Variants in INPP5D observed in about 807,000 individuals in gnomAD.
INPP5D encodes phosphatidylinositol 3,4,5-trisphosphate 5-phosphatase 1.
A neutral mutation model predicts 122.9 loss-of-function variants in INPP5D; 33 were observed. That is an observed-to-expected ratio of 0.27 (90% CI 0.20 to 0.36). The LOEUF is 0.36. INPP5D is among the 10% of genes least tolerant of loss of function. The pLI, the probability that INPP5D is intolerant of heterozygous loss-of-function variation, is 1.00. For synonymous variants in INPP5D, 584 were observed against 576.2 expected (o/e 1.01, Z -0.19); for missense variants, 1,053 against 1,412.7 (o/e 0.75, Z 4.08).
rs571171591 is a variant in INPP5D at position 233,115,729 on chromosome 2, A to T, written c.199-6378A>T. Among the ~76,000 whole-genome samples, 4 of 152,172 alleles carry T rather than the reference A, an allele frequency of 2.6e-5. 1 individual carries two copies. Among genetic ancestry groups the T allele is most frequent in the African/African-American group, 9.6e-5 (4 of 41,502 alleles). ...TCTGGTTCCCTCAACACCTTTCTTCAATGGAGAGGTCCATTTTCTGCAATG... is the reference window on the plus strand; with the variant it reads ...TCTGGTTCCCTCAACACCTTTCTTCTATGGAGAGGTCCATTTTCTGCAATG... On this transcript the variant is annotated intron_variant, in intron 2 of 26. Coordinates refer to ENST00000445964, the MANE Select transcript of INPP5D (RefSeq NM_001017915.3).
At chr2:233,108,914 C>T (rs1299428859) in intron 2 of INPP5D, among the ~76,000 whole-genome samples, 2 of 152,222 alleles carry the variant, frequency 1.3e-5, no homozygotes, top group Non-Finnish European at 2.9e-5. Flanking sequence ...TTCTGCATGG[C>T]AGAGAGGGGA....
At chr2:233,146,343 T>A (rs36180605) in intron 7 of INPP5D, 24 bp from the exon 8 acceptor site, 5 of 703,986 alleles carry the variant, frequency 7.1e-6, no homozygotes, top group African/African-American at 5.2e-5. Context: ...CTTGACCCTC[T>A]GTCTCTAACG....
chr2:233,190,000 C>T lies in INPP5D; in HGVS notation c.2446+63C>T, dbSNP rs1695012666. 1.9e-6 allele frequency: 3 copies of T among 1,585,422 alleles called. No individual in the cohort carries two copies. The highest frequency in any genetic ancestry group is 2.6e-6 in the Non-Finnish European group (3 of 1,167,192). On this transcript the variant is annotated intron_variant, in intron 22 of 26. Coordinates refer to ENST00000445964, the MANE Select transcript of INPP5D (RefSeq NM_001017915.3). This position sits in a 1 kb window ranked among gnomAD's most constrained non-coding sequence, Gnocchi z 5.6. ...ACTGGCGGCCTCTGACGTAGCATTG[C>T]CTTCAGGGGAGCTCACCTGGCACTT...
rs187764936 is a variant in INPP5D at position 233,108,576 on chromosome 2, C to G, written c.199-13531C>G. On this transcript the variant is annotated intron_variant, in intron 2 of 26. Transcript: ENST00000445964. ...GCGATGTTGCCTCCTTTCTCTCCCC[C>G]CAAGTGCAGGTCAGAGCCTTCCAAG... Among the ~76,000 whole-genome samples, 1,156 of 152,266 alleles carry G rather than the reference C, an allele frequency of 7.6e-3. 9 individuals are homozygous for G. The highest frequency in any genetic ancestry group is 0.01 in the Non-Finnish European group (708 of 68,020).
intron 9 of INPP5D, among the ~76,000 whole-genome samples, chr2:233,152,736 G>A (rs961546694): frequency 2.0e-5 from 3 of 152,174 alleles, no homozygotes; most frequent in African/African-American, 7.2e-5. Context: ...CGTGTGAGAC[G>A]GCTGGGCGGC....
chr2:233,162,253 T>C (rs1694218066), intron 11 of INPP5D, among the ~76,000 whole-genome samples: 1 of 142,438 alleles, frequency 7.0e-6, no homozygotes, highest in Non-Finnish European at 1.6e-5. Context: ...GACAGAGAGA[T>C]AGGTACGTAG....
In INPP5D at chr2:233,175,686, GT is replaced by G. The variant is rs35661704; in HGVS notation, c.1990-1566del. Reference sequence around the variant, plus strand: ...AGAGAGAATGAAAATAAAAACTTTTGTTTTTTTTTTTTTGAGATGGAGTTTT... The same window carrying G: ...AGAGAGAATGAAAATAAAAACTTTTGTTTTTTTTTTTTGAGATGGAGTTTT... On this transcript the variant is annotated intron_variant, in intron 17 of 26. Transcript: ENST00000445964. Among the ~76,000 whole-genome samples the G allele has an allele frequency of 3.3e-3, 475 of 144,242 alleles. 1 individual carries two copies. The highest frequency in any genetic ancestry group is 4.1e-3 in the Non-Finnish European group (270 of 65,542). 94.6% of individuals were successfully genotyped at this position (144,242 alleles called of 152,430 possible).
At chr2:233,180,165 G>A (rs1170752594) in intron 18 of INPP5D, among the ~76,000 whole-genome samples, 1 of 152,050 alleles carries the variant, frequency 6.6e-6, no homozygotes, top group African/African-American at 2.4e-5. Context: ...TGTTTACTAA[G>A]GTCCCATTGG....
At chr2:233,093,193 T>C (rs922397033) in intron 2 of INPP5D, among the ~76,000 whole-genome samples, 5 of 152,184 alleles carry the variant, frequency 3.3e-5, no homozygotes, top group Non-Finnish European at 7.4e-5. Flanking sequence ...AGATTAATAT[T>C]GATAATTTCT....
intron 1 of INPP5D, among the ~76,000 whole-genome samples, chr2:233,069,254 C>T (rs1257968828): frequency 6.6e-6 from 1 of 152,108 alleles, no homozygotes; most frequent in African/African-American, 2.4e-5. Context: ...CATTTGGGAC[C>T]TCCCCGGAGC....
At chr2:233,204,803 T>C in intron 26 of INPP5D, 86 bp downstream of exon 26, 1 of 1,428,172 alleles carries the variant, frequency 7.0e-7, no homozygotes, top group Non-Finnish European at 9.2e-7. Flanking sequence ...CATATGTGTG[T>C]GCATGTGTGT....
chr2:233,138,100 C>A (rs1388706793), intron 5 of INPP5D, among the ~76,000 whole-genome samples: 2 of 148,886 alleles, frequency 1.3e-5, no homozygotes, highest in African/African-American at 2.5e-5. Flanking sequence ...GCCTCTAATC[C>A]CAGCACTTTG....
chr2:233,172,593 G>C lies in INPP5D; in HGVS notation c.1989+1441G>C, dbSNP rs533258428. On this transcript the variant is annotated intron_variant, in intron 17 of 26. Transcript: ENST00000445964. Reference sequence around the variant, plus strand: ...AGCTGGCTTGAAGGGGAAAAAAATAGAACTTGTTTTCAGACTTACTGATTG... The same window carrying C: ...AGCTGGCTTGAAGGGGAAAAAAATACAACTTGTTTTCAGACTTACTGATTG... 3.3e-5 allele frequency among the ~76,000 whole-genome samples: 5 copies of C among 152,224 alleles called. No individual in the cohort carries two copies. In the East Asian group the frequency reaches 7.7e-4, roughly 23 times the overall value.
At chr2:233,161,636 T>C (rs1479220516) in intron 10 of INPP5D, 88 bp from the exon 11 acceptor site, 1 of 1,451,258 alleles carries the variant, frequency 6.9e-7, no homozygotes, top group African/African-American at 1.4e-5. Flanking sequence ...CTCCTCTCAG[T>C]TTTCTTGAAG....
chr2:233,147,272 G>T (rs1559318212), intron 8 of INPP5D, among the ~76,000 whole-genome samples, 199 bp from the exon 9 acceptor site: 1 of 152,222 alleles, frequency 6.6e-6, no homozygotes, highest in Non-Finnish European at 1.5e-5. Flanking sequence ...CGAGGGGGAT[G>T]CCCCTAGAGT....
rs1180272467 is a variant in INPP5D at position 233,105,316 on chromosome 2, CA to C, written c.199-16790del. Among the ~76,000 whole-genome samples, 1 of 152,196 alleles carries C rather than the reference CA, an allele frequency of 6.6e-6. No homozygotes were observed. Among genetic ancestry groups the C allele is most frequent in the African/African-American group, 2.4e-5 (1 of 41,444 alleles). On this transcript the variant is annotated intron_variant, in intron 2 of 26. Coordinates refer to ENST00000445964, the MANE Select transcript of INPP5D (RefSeq NM_001017915.3). This position sits in a 1 kb window ranked among gnomAD's most constrained non-coding sequence, Gnocchi z 4.0. ...ATTTCTATCTACACCTGTGCTTTGC[CA>C]GTGCCGCTCCCTTCGCCCGCCAGGG... is the stretch of plus-strand genomic sequence containing the variant.
chr2:233,133,377 C>T (rs1693383279), intron 5 of INPP5D, among the ~76,000 whole-genome samples: 2 of 152,002 alleles, frequency 1.3e-5, no homozygotes, highest in South Asian at 4.2e-4. Context: ...GGCAGAGGGA[C>T]ATTAAGTACA....
intron 1 of INPP5D, among the ~76,000 whole-genome samples, chr2:233,066,590 T>C (rs953663957): frequency 9.2e-5 from 14 of 152,128 alleles, no homozygotes; most frequent in African/African-American, 3.4e-4. Flanking sequence ...ACAGTCACCC[T>C]TTCTATGGTG....
intron 2 of INPP5D, among the ~76,000 whole-genome samples, chr2:233,102,425 A>G (rs1382261603): frequency 1.3e-5 from 2 of 152,090 alleles, no homozygotes; most frequent in Non-Finnish European, 2.9e-5. Context: ...CAAGTTTCAC[A>G]TTTCGTGATT....
Sources: gnomAD v4.1 joint callset for allele counts (sites outside exome capture counted in the v4.1 genomes callset) on GRCh38, gnomAD v4.1.1 for gene constraint, Gnocchi (gnomAD v3.1) non-coding constraint, MANE v1.5 for transcripts, NCBI Gene and HGNC (gene_info 2026-07-23, HGNC 2026-07-21) for gene names.